SLC7A14: variants seen among roughly 807,000 people sequenced by gnomAD.
SLC7A14 encodes gamma-aminobutyric acid transporter SLC7A14.
A neutral mutation model predicts 60.2 loss-of-function variants in SLC7A14; 37 were observed. The observed-to-expected ratio is 0.61, with a 90% CI of 0.47 to 0.81. The LOEUF is 0.81. SLC7A14 is among the 30% of genes least tolerant of loss of function. SLC7A14 has a pLI of 0.00. For missense variants in SLC7A14, 886 were observed against 982.7 expected (o/e 0.90, Z 1.32); for synonymous variants, 399 against 395.8 (o/e 1.01, Z -0.10).
chr3:170,537,590 C>T (rs1245956006), intron 1 of SLC7A14, among the ~76,000 whole-genome samples: 2 of 152,192 alleles, frequency 1.3e-5, no homozygotes, highest in African/African-American at 4.8e-5. Flanking sequence ...TTCCTGAAAA[C>T]ACTCGGCTGA....
chr3:170,541,541 A>G (rs905468055), intron 1 of SLC7A14, among the ~76,000 whole-genome samples: 1 of 152,226 alleles, frequency 6.6e-6, no homozygotes, highest in African/African-American at 2.4e-5. Flanking sequence ...GGCTGCAGTG[A>G]GCTGTGATTT....
Position 170,480,861 on chromosome 3 carries a change from G to C in SLC7A14, c.1421C>G (p.Ser474Cys). ...CSPVSEGDEF[S>C]GPATNTCGAK... Reference sequence around the variant, plus strand: ...CCCACATGTGTTGGTGGCTGGGCCAGAAAACTCATCCCCCTCACTCACAGG... The same window carrying C: ...CCCACATGTGTTGGTGGCTGGGCCACAAAACTCATCCCCCTCACTCACAGG... Residue 474 changes from serine (S) to cysteine (C), a missense_variant, in exon 7 of 8, where the codon TCT becomes TGT. Transcript: ENST00000231706. The C allele has an allele frequency of 6.2e-7, 1 of 1,614,078 alleles. No individual in the cohort carries two copies. The highest frequency in any genetic ancestry group is 1.7e-5 in the Admixed American group (1 of 60,018).
chr3:170,575,952 G>C (rs576152094), intron 1 of SLC7A14, among the ~76,000 whole-genome samples: 1 of 152,296 alleles, frequency 6.6e-6, no homozygotes, highest in East Asian at 1.9e-4. Flanking sequence ...AGTCCTTCCA[G>C]TATGACCTCC....
At chr3:170,533,996 A>G (rs768924248) in intron 1 of SLC7A14, among the ~76,000 whole-genome samples, 17 of 152,376 alleles carry the variant, frequency 1.1e-4, no homozygotes, top group Non-Finnish European at 2.5e-4. Flanking sequence ...ATGACTGCAT[A>G]TTTTAGCTAT....
intron 2 of SLC7A14, among the ~76,000 whole-genome samples, chr3:170,507,571 A>C (rs1021170749): frequency 6.6e-6 from 1 of 152,108 alleles, no homozygotes; most frequent in African/African-American, 2.4e-5. Flanking sequence ...GCAGGCGAAA[A>C]GGTGTAGCTG....
intron 2 of SLC7A14, among the ~76,000 whole-genome samples, chr3:170,517,013 G>A (rs1713179135): frequency 6.6e-6 from 1 of 152,104 alleles, no homozygotes; most frequent in Non-Finnish European, 1.5e-5. Context: ...GCTAGTGTGA[G>A]GCACAGCAAA....
chr3:170,502,347 A>G (rs1712643499), intron 2 of SLC7A14, among the ~76,000 whole-genome samples: 2 of 152,244 alleles, frequency 1.3e-5, no homozygotes, highest in Admixed American at 6.5e-5. Context: ...AAGGTAATAC[A>G]TGTGCTCACT....
intron 1 of SLC7A14, among the ~76,000 whole-genome samples, chr3:170,565,843 T>A (rs1043360539): frequency 6.6e-6 from 1 of 151,822 alleles, no homozygotes; most frequent in Non-Finnish European, 1.5e-5. Flanking sequence ...AGGGGGAAAA[T>A]ACTGCATCAG....
chr3:170,568,802 C>A (rs1372271552), intron 1 of SLC7A14, among the ~76,000 whole-genome samples: 1 of 152,144 alleles, frequency 6.6e-6, no homozygotes, highest in Non-Finnish European at 1.5e-5. Context: ...CATGATTTGG[C>A]TCTCTGTTTG....
chr3:170,507,465 C>A (rs940201556), intron 2 of SLC7A14, among the ~76,000 whole-genome samples: 1 of 152,090 alleles, frequency 6.6e-6, no homozygotes, highest in Non-Finnish European at 1.5e-5. Context: ...GCTGTGGAAG[C>A]CCGGAGACTG....
chr3:170,469,478 T>G (rs1739820452), intron 7 of SLC7A14, among the ~76,000 whole-genome samples: 1 of 152,134 alleles, frequency 6.6e-6, no homozygotes, highest in East Asian at 1.9e-4. Context: ...AAGCAGGGTA[T>G]TTACTCTTTC....
At chr3:170,522,593 G>C (rs1337919758) in intron 2 of SLC7A14, among the ~76,000 whole-genome samples, 2 of 152,182 alleles carry the variant, frequency 1.3e-5, no homozygotes, top group African/African-American at 4.8e-5. Context: ...AGGGCAAACC[G>C]ATAGGGACTG....
At chr3:170,563,203 A>G (rs943903497) in intron 1 of SLC7A14, among the ~76,000 whole-genome samples, 15 of 152,016 alleles carry the variant, frequency 9.9e-5, no homozygotes, top group African/African-American at 3.6e-4. Flanking sequence ...CCTCTCTTCT[A>G]TCAACACCCT....
intron 1 of SLC7A14, among the ~76,000 whole-genome samples, chr3:170,551,789 T>C (rs1425643600): frequency 6.6e-6 from 1 of 152,242 alleles, no homozygotes; most frequent in African/African-American, 2.4e-5. Flanking sequence ...GGATTCTAAA[T>C]CCTTCTCAGA....
At chr3:170,471,498 C>T (rs1386936564) in intron 7 of SLC7A14, among the ~76,000 whole-genome samples, 1 of 152,140 alleles carries the variant, frequency 6.6e-6, no homozygotes, top group East Asian at 1.9e-4. Context: ...ATCATCACAA[C>T]TAAAAATTAA....
Position 170,526,856 on chromosome 3 carries a change from T to A in SLC7A14, c.81A>T (p.Leu27=). The change falls in exon 2 of 8, where the codon CTA becomes CTT. Residue 27 remains leucine (L), a synonymous_variant. Transcript: ENST00000231706. Reference sequence around the variant, plus strand: ...GCATGGACTCCACTGGTTTGGTGCGTAGGATCCTGGAGTGCATTGCATACC... The same window carrying A: ...GCATGGACTCCACTGGTTTGGTGCGAAGGATCCTGGAGTGCATTGCATACC... The part of the protein sequence containing the change: ...AAWYAMHSRI[L]RTKPVESMLE... 6.2e-7 allele frequency: 1 copy of A among 1,614,048 alleles called. No individual in the cohort carries two copies. Among genetic ancestry groups the A allele is most frequent in the Non-Finnish European group, 8.5e-7 (1 of 1,179,990 alleles).
At chr3:170,527,684 ATT>A (rs1038379162) in intron 1 of SLC7A14, among the ~76,000 whole-genome samples, 1 of 151,980 alleles carries the variant, frequency 6.6e-6, no homozygotes, top group Non-Finnish European at 1.5e-5. Flanking sequence ...TGTTTTGGGA[ATT>A]TTTTTTACTC....
At chr3:170,486,888 A>G (rs1712053449) in intron 4 of SLC7A14, among the ~76,000 whole-genome samples, 1 of 143,888 alleles carries the variant, frequency 6.9e-6, no homozygotes. Flanking sequence ...AAAAAAAAAA[A>G]ATGCTTCTGG....
chr3:170,580,663 A>G (rs1327596347), intron 1 of SLC7A14, among the ~76,000 whole-genome samples: 1 of 152,188 alleles, frequency 6.6e-6, no homozygotes, highest in Non-Finnish European at 1.5e-5. Flanking sequence ...ACTCTAAACA[A>G]AGGTAAACTA....
Sources: gnomAD v4.1 joint callset for allele counts (sites outside exome capture counted in the v4.1 genomes callset) on GRCh38, gnomAD v4.1.1 for gene constraint, MANE v1.5 for transcripts, NCBI Gene and HGNC (gene_info 2026-07-23, HGNC 2026-07-21) for gene names.